RNF10: variants seen among roughly 807,000 people sequenced by gnomAD.
RNF10 encodes ring finger protein 10.
A neutral mutation model predicts 91.4 loss-of-function variants in RNF10; 38 were observed. The observed-to-expected ratio is 0.42, with a 90% CI of 0.32 to 0.54. RNF10 has a LOEUF of 0.54. RNF10 is among the 20% of genes least tolerant of loss of function. RNF10 has a pLI of 0.16. For synonymous variants in RNF10, 364 were observed against 366.3 expected (o/e 0.99, Z 0.07); for missense variants, 945 against 1,012.0 (o/e 0.93, Z 0.90).
At chr12:120,548,232 CTG>C (rs1185548152) in intron 2 of RNF10, among the ~76,000 whole-genome samples, 7 of 152,246 alleles carry the variant, frequency 4.6e-5, no homozygotes, top group East Asian at 1.9e-4. Flanking sequence ...AGGTAGTTAA[CTG>C]TGAATCAGCA....
intron 3 of RNF10, 119 bp downstream of exon 3, chr12:120,552,817 C>T (rs571600752): frequency 1.2e-5 from 10 of 863,424 alleles, no homozygotes; most frequent in South Asian, 1.1e-4. Context: ...GAATTGGTCT[C>T]GTTCTTTTTC....
chr12:120,541,580 G>A (rs888723204), intron 1 of RNF10, among the ~76,000 whole-genome samples: 26 of 145,720 alleles, frequency 1.8e-4, no homozygotes, highest in African/African-American at 5.6e-4. Context: ...GACTACAGGC[G>A]CCCGCCACCA....
In RNF10 at chr12:120,534,592, GCCT is replaced by G. The variant is rs140042315; in HGVS notation, c.-215_-213del. On this transcript the variant is annotated 5_prime_UTR_variant, in exon 1 of 17. Transcript: ENST00000325954. ...GCCCGGCCCGGACTCCCGAGCCCCG[GCCT>G]CCTCGTCCTCGGTCGCCGCTGCCGC... is the stretch of plus-strand genomic sequence containing the variant. 6.5e-3 allele frequency: 7,169 copies of G among 1,110,554 alleles called. 361 individuals are homozygous for G. The African/African-American group carries it at 0.11, about 16-fold the overall frequency. 68.8% of individuals were successfully genotyped at this position (1,110,554 alleles called of 1,614,324 possible).
chr12:120,568,624 C>T (rs914435354), intron 13 of RNF10, among the ~76,000 whole-genome samples: 13 of 151,282 alleles, frequency 8.6e-5, no homozygotes, highest in African/African-American at 2.9e-4. Context: ...TACAGGTGTG[C>T]GTCACCATGC....
Position 120,546,708 on chromosome 12 carries a change from A to G in RNF10, c.354+107A>G, listed in dbSNP as rs181631901. On this transcript the variant is annotated intron_variant, in intron 2 of 16. Transcript: ENST00000325954. ...GAGAAGGGGAACAAGAGGTAGAGGA[A>G]TAGATAATCAAAGCAGTCTTGAGTA... The G allele has an allele frequency of 2.0e-3, 1,921 of 978,738 alleles. 6 individuals are homozygous for G. Among genetic ancestry groups the G allele is most frequent in the Non-Finnish European group, 2.6e-3 (1,786 of 679,834 alleles). The allele number at this position is 978,738 out of a possible 1,614,324, so 60.6% of individuals were successfully genotyped here.
intron 1 of RNF10, among the ~76,000 whole-genome samples, chr12:120,537,973 A>G (rs1265921256): frequency 6.6e-6 from 1 of 152,144 alleles, no homozygotes; most frequent in African/African-American, 2.4e-5. Context: ...TACAGCAGAT[A>G]CTCAGGAGCT....
intron 2 of RNF10, among the ~76,000 whole-genome samples, chr12:120,549,448 C>G (rs1872732757): frequency 6.6e-6 from 1 of 152,088 alleles, no homozygotes; most frequent in Non-Finnish European, 1.5e-5. Flanking sequence ...TTGAATTAAT[C>G]AGGGGAAGGT....
At chr12:120,575,424 T>C (rs1877255731) in intron 14 of RNF10, 2 of 589,852 alleles carry the variant, frequency 3.4e-6, no homozygotes, top group East Asian at 5.8e-5. Context: ...GCTTATGGTT[T>C]ACTACCTTGT....
intron 1 of RNF10, chr12:120,535,502 A>G (rs977308960): frequency 1.3e-5 from 2 of 152,224 alleles, no homozygotes; most frequent in African/African-American, 2.4e-5. Context: ...AGCGCAGACT[A>G]TGAATTCAGT....
At chr12:120,571,111 C>G in intron 13 of RNF10, 80 bp from the exon 14 acceptor site, 2 of 857,986 alleles carry the variant, frequency 2.3e-6, no homozygotes, top group South Asian at 1.5e-5. Context: ...CCAGACCTGA[C>G]TCAGGGCTCA....
intron 14 of RNF10, among the ~76,000 whole-genome samples, chr12:120,574,204 G>T (rs1877063441): frequency 6.6e-6 from 1 of 152,252 alleles, no homozygotes; most frequent in South Asian, 2.1e-4. Context: ...AATGAAATCG[G>T]CATCTGCCAA....
chr12:120,543,524 G>A lies in RNF10; in HGVS notation c.158-2881G>A, dbSNP rs372578799. On this transcript the variant is annotated intron_variant, in intron 1 of 16. Coordinates refer to ENST00000325954, the MANE Select transcript of RNF10 (RefSeq NM_014868.5). ...CACAAAAAAATTTAAAAATTAGGTC[G>A]GGCCTGATGGCTCACGCCTGTAATC... Among the ~76,000 whole-genome samples the A allele has an allele frequency of 2.0e-4, 30 of 152,010 alleles. No homozygotes were observed. In the East Asian group the frequency reaches 2.3e-3, roughly 12 times the overall value.
intron 6 of RNF10, among the ~76,000 whole-genome samples, chr12:120,559,059 T>A (rs7133978): frequency 0.8 from 119,866 of 150,694 alleles, 48,012 homozygotes; most frequent in Admixed American, 0.85. Context: ...CTTTTAATTT[T>A]AAATTATTTT....
Position 120,549,668 on chromosome 12 carries a change from C to T in RNF10, c.355-2831C>T, listed in dbSNP as rs1447903248. Reference sequence around the variant, plus strand: ...GGCGTGATGGCAGGTGCCTGTAATTCCAGTTACTTGGGAGGCTGAGGCAGG... The same window carrying T: ...GGCGTGATGGCAGGTGCCTGTAATTTCAGTTACTTGGGAGGCTGAGGCAGG... On this transcript the variant is annotated intron_variant, in intron 2 of 16. Transcript: ENST00000325954. 3.3e-5 allele frequency among the ~76,000 whole-genome samples: 5 copies of T among 152,172 alleles called. No individual in the cohort carries two copies. In the East Asian group the frequency reaches 9.7e-4, roughly 29 times the overall value.
rs376818128 is a variant in RNF10 at position 120,557,551 on chromosome 12, T to C, written c.836T>C (p.Val279Ala). ...SVHKKDLKSV[V>A]ATESHQYVVG... ...TATGAGTGTCCATGTTTCAGTGTTG[T>C]TGCCACAGAGTCACATCAGTATGTT... The change falls in exon 6 of 17, where the codon GTT becomes GCT. Residue 279 changes from valine (V) to alanine (A), a missense_variant. Coordinates refer to ENST00000325954, the MANE Select transcript of RNF10 (RefSeq NM_014868.5). 4.3e-6 allele frequency: 7 copies of C among 1,614,230 alleles called. No homozygotes were observed. The highest frequency in any genetic ancestry group is 5.9e-6 in the Non-Finnish European group (7 of 1,180,032).
intron 1 of RNF10, among the ~76,000 whole-genome samples, chr12:120,538,163 C>G (rs1190037567): frequency 6.6e-6 from 1 of 152,136 alleles, no homozygotes; most frequent in Admixed American, 6.5e-5. Flanking sequence ...GAGGGGAAAA[C>G]AAGCGTAAGG....
In RNF10 at chr12:120,558,576, TA is replaced by T. The variant is rs1399465658; in HGVS notation, c.967+895del. ...ATATATAATATAATATGTATATATA[TA>T]TTTTTTTTTGAGACAGAGTCTGGCT... On this transcript the variant is annotated intron_variant, in intron 6 of 16. Coordinates refer to ENST00000325954, the MANE Select transcript of RNF10 (RefSeq NM_014868.5). Among the ~76,000 whole-genome samples, 131 of 147,268 alleles carry T rather than the reference TA, an allele frequency of 8.9e-4. 1 individual carries two copies. Among genetic ancestry groups the T allele is most frequent in the African/African-American group, 3.3e-3 (127 of 38,864 alleles).
chr12:120,564,959 C>G (rs1247192964), intron 10 of RNF10, 113 bp from the exon 11 acceptor site: 1 of 722,516 alleles, frequency 1.4e-6, no homozygotes, highest in South Asian at 1.6e-5. Context: ...ACTACTGTTT[C>G]CAGCCCCAGT....
At chr12:120,567,866 T>G (rs202051571) in intron 13 of RNF10, among the ~76,000 whole-genome samples, 2 of 83,202 alleles carry the variant, frequency 2.4e-5, no homozygotes, top group East Asian at 3.6e-4. Context: ...TATGGGTGTG[T>G]GTGTGTGTGT....
Sources: allele counts gnomAD v4.1 joint callset (sites outside exome capture counted in the v4.1 genomes callset), GRCh38; gene constraint gnomAD v4.1.1; transcripts MANE v1.5; gene names NCBI Gene and HGNC (gene_info 2026-07-23, HGNC 2026-07-21).